Variants in LTB4R observed in about 807,000 individuals in gnomAD.
LTB4R encodes leukotriene B4 receptor, also known as leukotriene B4 receptor 1.
For missense variants in LTB4R, 470 were observed against 485.6 expected (o/e 0.97, Z 0.30); for synonymous variants, 250 against 230.7 (o/e 1.08, Z -0.76).
chr14:24,316,416 G>A lies in LTB4R; in HGVS notation c.765G>A (p.Gly255=), dbSNP rs1185279452. 6.3e-7 allele frequency: 1 copy of A among 1,578,058 alleles called. No homozygotes were observed. Among genetic ancestry groups the A allele is most frequent in the Admixed American group, 1.8e-5 (1 of 54,442 alleles). The stretch of plus-strand genomic sequence containing the variant: ...GCGCGCTGGCCGGCCAGGCCGCCGG[G>A]TTAGGGCTCGTGGGGAAGCGGCTGA... ...AGRALAGQAA[G]LGLVGKRLSL... Residue 255 remains glycine, a synonymous_variant, in exon 2 of 2, where the codon GGG becomes GGA. Coordinates refer to ENST00000345363, the MANE Select transcript of LTB4R (RefSeq NM_001143919.3).
chr14:24,316,162 C>G lies in LTB4R; in HGVS notation c.511C>G (p.Arg171Gly). The G allele has an allele frequency of 1.2e-6, 2 of 1,613,922 alleles. No homozygotes were observed. Among genetic ancestry groups the G allele is most frequent in the South Asian group, 1.1e-5 (1 of 91,092 alleles). ...WKTNMSLCFPRYPSEGHRAFH... is the reference protein window; with the variant it reads ...WKTNMSLCFPGYPSEGHRAFH... ...AACGAACATGAGCCTGTGCTTCCCG[C>G]GGTACCCCAGCGAAGGGCACCGGGC... is the stretch of plus-strand genomic sequence containing the variant. Residue 171 changes from arginine to glycine, a missense_variant, in exon 2 of 2, where the codon CGG (arginine) becomes GGG (glycine). Arg to Gly is a moderately radical substitution (Grantham distance 125). Coordinates refer to ENST00000345363, the MANE Select transcript of LTB4R (RefSeq NM_001143919.3).
chr14:24,311,915 A>T, intron 1 of LTB4R, 111 bp downstream of exon 1: 2 of 634,826 alleles, frequency 3.2e-6, no homozygotes, highest in Non-Finnish European at 2.7e-6. Flanking sequence ...CTGAGGGATT[A>T]TGAGGGTGGT....
intron 1 of LTB4R, chr14:24,314,369 A>G (rs929415750): frequency 6.6e-6 from 1 of 152,236 alleles, no homozygotes; most frequent in Non-Finnish European, 1.5e-5. Flanking sequence ...CCCACCACCT[A>G]GATCATAGCT....
Position 24,316,233 on chromosome 14 carries a change from C to T in LTB4R, c.582C>T (p.Phe194=), listed in dbSNP as rs749780160. ...FEAVTGFLLP[F]LAVVASYSDI... is the part of the protein sequence containing the mutation. ...CTGTCACGGGCTTCCTGCTGCCCTT[C>T]CTGGCTGTGGTGGCCAGCTACTCGG... Residue 194 remains phenylalanine, a synonymous_variant, in exon 2 of 2, where the codon TTC becomes TTT. Coordinates refer to ENST00000345363, the MANE Select transcript of LTB4R (RefSeq NM_001143919.3). 6.2e-7 allele frequency: 1 copy of T among 1,613,522 alleles called. No homozygotes were observed. The highest frequency in any genetic ancestry group is 2.2e-5 in the East Asian group (1 of 44,878).
In LTB4R at chr14:24,315,739, G is replaced by T. The variant is rs772268092; in HGVS notation, c.88G>T (p.Ala30Ser). ...LAIILLSVAL[A>S]VGLPGNSFVV... ...TATCATCCTGCTGTCAGTGGCGCTGGCTGTGGGGCTTCCCGGCAACAGCTT... is the reference window on the plus strand; with the variant it reads ...TATCATCCTGCTGTCAGTGGCGCTGTCTGTGGGGCTTCCCGGCAACAGCTT... Residue 30 changes from alanine (A) to serine (S), a missense_variant, in exon 2 of 2, where the codon GCT becomes TCT. By Grantham distance (99) the Ala-to-Ser change is moderately conservative (BLOSUM62 1). Transcript: ENST00000345363. The T allele has an allele frequency of 1.5e-5, 24 of 1,613,920 alleles. No homozygotes were observed. Among genetic ancestry groups the T allele is most frequent in the Middle Eastern group, 1.6e-4 (1 of 6,084 alleles).
chr14:24,311,647 G>A lies in LTB4R; in HGVS notation c.-173G>A, dbSNP rs377705883. 4.3e-6 allele frequency: 7 copies of A among 1,613,110 alleles called. No homozygotes were observed. The African/African-American group carries it at 9.3e-5, about 22-fold the overall frequency. Reference sequence around the variant, plus strand: ...TCTAGGGAAGGGACCATGGAGCTCCGAACTACCCCTCAGCTGAAAGTGGTG... The same window carrying A: ...TCTAGGGAAGGGACCATGGAGCTCCAAACTACCCCTCAGCTGAAAGTGGTG... On this transcript the variant is annotated 5_prime_UTR_variant, in exon 1 of 2. Coordinates refer to ENST00000345363, the MANE Select transcript of LTB4R (RefSeq NM_001143919.3).
chr14:24,314,949 A>G (rs1174667892), intron 1 of LTB4R: 1 of 152,558 alleles, frequency 6.6e-6, no homozygotes, highest in Non-Finnish European at 1.5e-5. Context: ...AGATCCAGGG[A>G]TAGGCTACAC....
Position 24,316,310 on chromosome 14 carries a change from G to T in LTB4R, c.659G>T (p.Gly220Val). Reference protein sequence around the residue: ...ARRFRRSRRTGRLVVLIILTF... With the variant: ...ARRFRRSRRTVRLVVLIILTF... ...CGCTTCCGCCGCAGCCGCCGCACCG[G>T]CCGCCTGGTGGTGCTCATCATCCTG... The change falls in exon 2 of 2, where the codon GGC (glycine) becomes GTC (valine). Residue 220 changes from glycine to valine, a missense_variant. Gly to Val is a moderately radical substitution (Grantham distance 109). Coordinates refer to ENST00000345363, the MANE Select transcript of LTB4R (RefSeq NM_001143919.3). 1.2e-6 allele frequency: 2 copies of T among 1,601,828 alleles called. No homozygotes were observed. The highest frequency in any genetic ancestry group is 1.7e-6 in the Non-Finnish European group (2 of 1,175,726).
At position 24,316,434 on chromosome 14, in the gene LTB4R, G is replaced by T; in HGVS notation, c.783G>T (p.Lys261Asn). 6.4e-7 allele frequency: 1 copy of T among 1,573,780 alleles called. No homozygotes were observed. The highest frequency in any genetic ancestry group is 8.6e-7 in the Non-Finnish European group (1 of 1,162,844). Reference protein sequence around the residue: ...GQAAGLGLVGKRLSLARNVLI... With the variant: ...GQAAGLGLVGNRLSLARNVLI... ...CCGCCGGGTTAGGGCTCGTGGGGAA[G>T]CGGCTGAGCCTGGCCCGCAACGTGC... Residue 261 changes from lysine to asparagine, a missense_variant, in exon 2 of 2, where the codon AAG becomes AAT. Physicochemically the swap from Lys to Asn is moderately conservative, Grantham distance 94 (BLOSUM62 0). Transcript: ENST00000345363.
Position 24,317,051 on chromosome 14 carries a change from T to G in LTB4R, c.*341T>G. On this transcript the variant is annotated 3_prime_UTR_variant, in exon 2 of 2. Transcript: ENST00000345363. The stretch of plus-strand genomic sequence containing the variant: ...GTCACGTCCTTTAGTTCCCCATGAT[T>G]TACAATTTTGGAAGGGACACAAAGA... The G allele has an allele frequency of 4.1e-6, 1 of 244,650 alleles. No homozygotes were observed. Among genetic ancestry groups the G allele is most frequent in the African/African-American group, 2.3e-5 (1 of 44,014 alleles). The allele number at this position is 244,650 out of a possible 1,614,324, so 15.2% of individuals were successfully genotyped here.
rs1342709292 is a variant in LTB4R, at chr14:24,316,111, G to A, written c.460G>A (p.Ala154Thr). Residue 154 changes from alanine (A) to threonine (T), a missense_variant, in exon 2 of 2, where the codon GCG (alanine) becomes ACG (threonine). Transcript: ENST00000345363. ...LSFLLATPVLAYRTVVPWKTN... is the reference protein window; with the variant it reads ...LSFLLATPVLTYRTVVPWKTN... Reference sequence around the variant, plus strand: ...CTTTCTGCTGGCCACACCCGTCCTCGCGTACCGCACAGTAGTGCCCTGGAA... The same window carrying A: ...CTTTCTGCTGGCCACACCCGTCCTCACGTACCGCACAGTAGTGCCCTGGAA... 1.1e-5 allele frequency: 17 copies of A among 1,613,388 alleles called. No homozygotes were observed. The highest frequency in any genetic ancestry group is 5.0e-5 in the Admixed American group (3 of 60,006).
chr14:24,312,745 GA>G (rs530762102), intron 1 of LTB4R, among the ~76,000 whole-genome samples: 18 of 152,278 alleles, frequency 1.2e-4, no homozygotes, highest in African/African-American at 4.3e-4. Flanking sequence ...TCTAGATCCT[GA>G]CCCCTTTGAT....
intron 1 of LTB4R, among the ~76,000 whole-genome samples, chr14:24,315,378 C>CT (rs1268811327): frequency 6.6e-5 from 10 of 152,246 alleles, no homozygotes; most frequent in Non-Finnish European, 1.5e-4. Flanking sequence ...AATGCTGCTG[C>CT]TGCTGTGGTC....
intron 1 of LTB4R, among the ~76,000 whole-genome samples, chr14:24,312,974 C>T (rs928389766): frequency 6.6e-6 from 1 of 152,214 alleles, no homozygotes; most frequent in East Asian, 1.9e-4. Flanking sequence ...AGCGACTGCT[C>T]ACACCTCCCT....
rs1162833345 is a variant in LTB4R, at chr14:24,311,503, G to C, written c.-317G>C. On this transcript the variant is annotated 5_prime_UTR_variant, in exon 1 of 2. Coordinates refer to ENST00000345363, the MANE Select transcript of LTB4R (RefSeq NM_001143919.3). ...GGAACTACGGCCTTGGCCTTCTTCAGTTCTAGCGTCAACCCGGTGCTCTAC... is the reference window on the plus strand; with the variant it reads ...GGAACTACGGCCTTGGCCTTCTTCACTTCTAGCGTCAACCCGGTGCTCTAC... 1 of 1,602,362 alleles carries C rather than the reference G, an allele frequency of 6.2e-7. No homozygotes were observed. The highest frequency in any genetic ancestry group is 8.5e-7 in the Non-Finnish European group (1 of 1,179,986).
intron 1 of LTB4R, chr14:24,313,974 C>T (rs1594640504): frequency 6.6e-6 from 1 of 152,192 alleles, no homozygotes; most frequent in African/African-American, 2.4e-5. Flanking sequence ...ACCATTTCTG[C>T]ATTGCTGGTT....
Position 24,316,371 on chromosome 14 carries a change from G to T in LTB4R, c.720G>T (p.Val240=). The change falls in exon 2 of 2, where the codon GTG becomes GTT. Residue 240 remains valine (V), a synonymous_variant. Transcript: ENST00000345363. ...CCTTCTGGCTGCCCTACCACGTGGT[G>T]AACCTGGCTGAGGCGGGCCGCGCGC... ...FAAFWLPYHV[V]NLAEAGRALA... The T allele has an allele frequency of 6.3e-7, 1 of 1,597,038 alleles. No homozygotes were observed.
intron 1 of LTB4R, chr14:24,314,423 C>G (rs775841963): frequency 9.9e-5 from 15 of 152,256 alleles, no homozygotes; most frequent in Non-Finnish European, 7.3e-5. Flanking sequence ...TCGGCATTTA[C>G]TGATGTGCCC....
In LTB4R at chr14:24,317,108, G is replaced by A. The variant is rs1433800722; in HGVS notation, c.*398G>A. On this transcript the variant is annotated 3_prime_UTR_variant, in exon 2 of 2. Transcript: ENST00000345363. ...GACTTCCCCCATCCCAGATGATTCC[G>A]AGTACATAGTCTGCAGATAATACTT... 21 of 188,234 alleles carry A rather than the reference G, an allele frequency of 1.1e-4. No individual in the cohort carries two copies. Among genetic ancestry groups the A allele is most frequent in the Non-Finnish European group, 3.7e-5 (3 of 82,142 alleles). 11.7% of individuals were successfully genotyped at this position (188,234 alleles called of 1,614,324 possible).
Sources: gnomAD v4.1 joint callset for allele counts (sites outside exome capture counted in the v4.1 genomes callset) on GRCh38, gnomAD v4.1.1 for gene constraint, MANE v1.5 for transcripts, NCBI Gene and HGNC (gene_info 2026-07-23, HGNC 2026-07-21) for gene names.